The following CNOT6L variants were observed in gnomAD, a reference collection of about 807,000 sequenced individuals.
CNOT6L encodes the protein CCR4-NOT transcription complex subunit 6 like, also known as CCR4-NOT transcription complex subunit 6-like.
In CNOT6L, 7 loss-of-function variants were observed where a neutral mutation model predicts 64.0. The observed-to-expected ratio is 0.11, with a 90% CI of 0.06 to 0.21. The LOEUF is 0.21. Among genes scored for constraint, CNOT6L ranks in the 10% least tolerant of loss-of-function variants. CNOT6L has a pLI of 1.00. For synonymous variants in CNOT6L, 193 were observed against 243.4 expected (o/e 0.79, Z 1.93); for missense variants, 245 against 669.0 (o/e 0.37, Z 6.99).
Position 77,748,308 on chromosome 4 carries a change from CTATT to C in CNOT6L, c.559+4_559+7del. 6.3e-7 allele frequency: 1 copy of C among 1,579,382 alleles called. No individual in the cohort carries two copies. The highest frequency in any genetic ancestry group is 8.7e-7 in the Non-Finnish European group (1 of 1,149,214). ...GAAAAAAAAGGAAGAATAAGAAAAA[CTATT>C]TACCTGACGGCAGAATTTGGTCTCG... On this transcript the variant is annotated splice_donor_5th_base_variant and intron_variant, in intron 6 of 11. Transcript: ENST00000504123.
chr4:77,782,281 T>C (rs781491484), intron 1 of CNOT6L, among the ~76,000 whole-genome samples: 69 of 152,162 alleles, frequency 4.5e-4, no homozygotes, highest in Admixed American at 1.1e-3. Flanking sequence ...ACAAAGCAAA[T>C]AACTCTTGCA....
rs774306963 is a variant in CNOT6L at position 77,776,296 on chromosome 4, A to G, written c.102T>C (p.Ser34=). The G allele has an allele frequency of 1.2e-6, 2 of 1,611,672 alleles. No individual in the cohort carries two copies. The highest frequency in any genetic ancestry group is 1.7e-6 in the Non-Finnish European group (2 of 1,179,524). The change falls in exon 2 of 12, where the codon TCT becomes TCC. Residue 34 remains serine (S), a synonymous_variant. Transcript: ENST00000504123. ...SAEEVANGKK[S]HWAELEISGR... ...CCGAGATTTCTAATTCTGCCCAGTG[A>G]GATTTTTTCCCATTGGCTACCTCCT...
intron 4 of CNOT6L, among the ~76,000 whole-genome samples, chr4:77,762,966 A>G (rs562462430): frequency 1.3e-5 from 2 of 152,316 alleles, no homozygotes; most frequent in East Asian, 3.9e-4. Flanking sequence ...TTTTAAAGTT[A>G]CTTTAAAAGT....
intron 1 of CNOT6L, among the ~76,000 whole-genome samples, chr4:77,808,612 A>T (rs1732527249): frequency 2.0e-5 from 3 of 152,148 alleles, no homozygotes; most frequent in Non-Finnish European, 4.4e-5. Flanking sequence ...TTTTACAAGG[A>T]TTTCTCTGGT....
At chr4:77,774,199 T>C (rs1197680556) in intron 3 of CNOT6L, among the ~76,000 whole-genome samples, 1 of 152,192 alleles carries the variant, frequency 6.6e-6, no homozygotes, top group Non-Finnish European at 1.5e-5. Context: ...TAGAGATATG[T>C]TCTTGTAAGT....
chr4:77,758,518 A>G (rs2110006240), intron 4 of CNOT6L, among the ~76,000 whole-genome samples: 1 of 152,376 alleles, frequency 6.6e-6, no homozygotes, highest in East Asian at 1.9e-4. Context: ...TAAAGATTTT[A>G]AAAGCTGTCA....
intron 4 of CNOT6L, among the ~76,000 whole-genome samples, chr4:77,766,938 C>T (rs191487364): frequency 1.3e-5 from 2 of 151,300 alleles, no homozygotes; most frequent in Non-Finnish European, 3.0e-5. Context: ...TGGCAGGAGC[C>T]TGTAATCCCA....
At chr4:77,801,224 A>G (rs1731508437) in intron 1 of CNOT6L, among the ~76,000 whole-genome samples, 1 of 152,232 alleles carries the variant, frequency 6.6e-6, no homozygotes, top group Non-Finnish European at 1.5e-5. Context: ...AGCAGAAGGA[A>G]GAGTATTGTT....
At chr4:77,789,152 G>A (rs1729796496) in intron 1 of CNOT6L, among the ~76,000 whole-genome samples, 1 of 152,126 alleles carries the variant, frequency 6.6e-6, no homozygotes, top group South Asian at 2.1e-4. Flanking sequence ...ATTCAATGCA[G>A]AGCTGTCTCC....
intron 1 of CNOT6L, among the ~76,000 whole-genome samples, chr4:77,788,337 C>T (rs571908316): frequency 5.9e-5 from 9 of 152,194 alleles, no homozygotes; most frequent in South Asian, 2.1e-4. Context: ...AAGTAAAATA[C>T]GGAAGATATG....
At chr4:77,792,633 G>A (rs1730293795) in intron 1 of CNOT6L, among the ~76,000 whole-genome samples, 1 of 151,306 alleles carries the variant, frequency 6.6e-6, no homozygotes, top group African/African-American at 2.4e-5. Flanking sequence ...GGCTGAGACA[G>A]GAGAATCGCT....
chr4:77,728,722 C>T, intron 10 of CNOT6L, 132 bp downstream of exon 10: 3 of 697,206 alleles, frequency 4.3e-6, no homozygotes, highest in South Asian at 3.6e-5. Context: ...TCTTCTATTA[C>T]CTTGTGTCCC....
rs974438207 is a variant in CNOT6L, at chr4:77,714,212, T to A, written c.*6219A>T. The A allele has an allele frequency of 6.6e-6, 1 of 152,528 alleles. No homozygotes were observed. The highest frequency in any genetic ancestry group is 6.6e-5 in the Admixed American group (1 of 15,246). 9.4% of individuals were successfully genotyped at this position (152,528 alleles called of 1,614,324 possible). On this transcript the variant is annotated 3_prime_UTR_variant, in exon 12 of 12. Transcript: ENST00000504123. ...TAGGTCACAGAATGACTCAAATGTATGCAAAATAATGAATTCTTTAACTTA... is the reference window on the plus strand; with the variant it reads ...TAGGTCACAGAATGACTCAAATGTAAGCAAAATAATGAATTCTTTAACTTA...
chr4:77,773,951 C>T (rs942379670), intron 3 of CNOT6L, among the ~76,000 whole-genome samples: 3 of 151,986 alleles, frequency 2.0e-5, no homozygotes, highest in Admixed American at 6.5e-5. Context: ...TAGTGAAGAA[C>T]AAGATTTTAA....
At chr4:77,767,062 CAAAAAAAAAAAAAAA>C (rs56926683) in intron 4 of CNOT6L, among the ~76,000 whole-genome samples, 1 of 25,968 alleles carries the variant, frequency 3.9e-5, no homozygotes, top group African/African-American at 1.5e-4. Flanking sequence ...AACTCCGTCT[CAAAAAAAAAAAAAAA>C]AAAAAAAAAG....
intron 1 of CNOT6L, among the ~76,000 whole-genome samples, chr4:77,791,082 A>C (rs1730094342): frequency 1.3e-5 from 2 of 152,206 alleles, no homozygotes; most frequent in Middle Eastern, 6.8e-3. Context: ...GTTCCAGACC[A>C]GACTGACCAA....
intron 5 of CNOT6L, among the ~76,000 whole-genome samples, chr4:77,750,914 A>G (rs1014920444): frequency 1.3e-5 from 2 of 152,188 alleles, no homozygotes; most frequent in African/African-American, 4.8e-5. Context: ...TGCTAAACCT[A>G]AACAGGGTAA....
chr4:77,776,915 A>G (rs1728212938), intron 1 of CNOT6L, among the ~76,000 whole-genome samples: 1 of 152,352 alleles, frequency 6.6e-6, no homozygotes, highest in South Asian at 2.1e-4. Flanking sequence ...TCATAAACAA[A>G]GAAGAATACA....
chr4:77,776,749 C>T (rs181400720), intron 1 of CNOT6L, among the ~76,000 whole-genome samples: 2 of 152,322 alleles, frequency 1.3e-5, no homozygotes, highest in Admixed American at 1.3e-4. Flanking sequence ...GTAATTCTAT[C>T]CTCCTTTCCT....
Sources: gnomAD v4.1 joint callset for allele counts (sites outside exome capture counted in the v4.1 genomes callset) on GRCh38, gnomAD v4.1.1 for gene constraint, MANE v1.5 for transcripts, NCBI Gene and HGNC (gene_info 2026-07-23, HGNC 2026-07-21) for gene names.